The following GNL3L variants were observed in gnomAD, a reference collection of about 807,000 sequenced individuals.
GNL3L encodes the protein guanine nucleotide-binding protein-like 3-like protein.
GNL3L carries 4 observed loss-of-function variants against 42.9 expected under a neutral mutation model. The observed-to-expected ratio is 0.09, with a 90% CI of 0.05 to 0.21. The LOEUF (loss-of-function observed/expected upper bound fraction) is 0.21, where lower values mean the gene tolerates loss of function less well. Among genes scored for constraint, GNL3L ranks in the 10% least tolerant of loss-of-function variants. The pLI is 1.00. For synonymous variants in GNL3L, 159 were observed against 176.3 expected, an observed-to-expected ratio of 0.90 and a Z score of 0.78; for missense variants, 412 against 481.7, an observed-to-expected ratio of 0.86 and a Z score of 1.36.
At chrX:54,577,150 TATA>T (rs1278078539) in intron 16 of GNL3L, among the ~76,000 whole-genome samples, 2 of 112,475 alleles carry the variant, frequency 1.8e-5, no homozygotes, top group East Asian at 5.6e-4. Context: ...AGTGGAATCA[TATA>T]ATATTTCTGT....
At chrX:54,569,710 A>G (rs1260429440), downstream of GNL3L, among the ~76,000 whole-genome samples, 1 of 111,600 alleles carries the variant, frequency 9.0e-6, no homozygotes, top group East Asian at 2.8e-4. Context: ...AAAGAATCAC[A>G]TTTTGGTTTA....
intron 16 of GNL3L, among the ~76,000 whole-genome samples, chrX:54,613,242 T>A (rs188600669): frequency 9.0e-6 from 1 of 111,707 alleles, no homozygotes; most frequent in African/African-American, 3.2e-5. Context: ...TCGCAGAGCA[T>A]TTTGCATTTC....
chrX:54,540,534 T>G (rs1447226743), intron 4 of GNL3L, among the ~76,000 whole-genome samples: 9 of 112,193 alleles, frequency 8.0e-5, no homozygotes, highest in Non-Finnish European at 5.6e-5. Context: ...CTCATCTTAT[T>G]GGAATGCTCA....
Position 54,546,319 on chromosome X carries a change from A to G in GNL3L, c.631-1910A>G, listed in dbSNP as rs1189904487. Among the ~76,000 whole-genome samples the G allele has an allele frequency of 2.7e-5, 3 of 111,782 alleles. No homozygotes were observed. The Admixed American group carries it at 2.9e-4, about 11-fold the overall frequency. ...ATGTGCCTTTTCGAGGCTGAATACA[A>G]TTAGTTTCCAGTTTTTTATCGTTAT... On this transcript the variant is annotated intron_variant, in intron 8 of 15. Transcript: ENST00000360845.
intron 16 of GNL3L, among the ~76,000 whole-genome samples, chrX:54,577,029 ACT>A (rs760244903): frequency 1.3e-3 from 140 of 111,429 alleles, no homozygotes; most frequent in Non-Finnish European, 1.9e-3. Context: ...ACCAAATGAA[ACT>A]CTGTACTCTC....
intron 16 of GNL3L, among the ~76,000 whole-genome samples, chrX:54,591,549 C>T (rs917113967): frequency 2.7e-4 from 29 of 105,710 alleles, no homozygotes; most frequent in African/African-American, 9.8e-4. Context: ...GCCCAGATCA[C>T]ACCACTGCAC....
At chrX:54,607,067 T>C (rs1252364592) in intron 16 of GNL3L, among the ~76,000 whole-genome samples, 2 of 64,738 alleles carry the variant, frequency 3.1e-5, no homozygotes, top group African/African-American at 2.2e-4. Flanking sequence ...TTTCTTTCTT[T>C]CTTTCTCTTT....
intron 16 of GNL3L, among the ~76,000 whole-genome samples, chrX:54,620,051 A>T (rs1303990980): frequency 9.0e-6 from 1 of 111,600 alleles, no homozygotes; most frequent in Non-Finnish European, 1.9e-5. Context: ...TGATACAGGC[A>T]TGCAATGTGT....
At chrX:54,574,877 A>G (rs1381107411) in intron 16 of GNL3L, among the ~76,000 whole-genome samples, 1 of 111,874 alleles carries the variant, frequency 8.9e-6, no homozygotes, top group Non-Finnish European at 1.9e-5. Context: ...GTATTTTTCA[A>G]GTTATTTAAT....
downstream of GNL3L, among the ~76,000 whole-genome samples, chrX:54,623,689 T>C (rs1402482826): frequency 2.7e-5 from 3 of 112,167 alleles, no homozygotes; most frequent in Non-Finnish European, 5.6e-5. Context: ...TTTTCAGGAA[T>C]GTTTTGTAGT....
At chrX:54,539,335 T>C (rs1924543463) in intron 3 of GNL3L, among the ~76,000 whole-genome samples, 2 of 111,389 alleles carry the variant, frequency 1.8e-5, no homozygotes, top group Non-Finnish European at 3.8e-5. Flanking sequence ...ATTATCCCCA[T>C]GTTTTAGTTG....
At chrX:54,554,921 G>A (rs1249179821) in intron 14 of GNL3L, among the ~76,000 whole-genome samples, 1 of 111,772 alleles carries the variant, frequency 8.9e-6, no homozygotes, top group African/African-American at 3.2e-5. Context: ...CCATAGAACA[G>A]GTATCACTAT....
rs745387873 is a variant in GNL3L, at chrX:54,607,008, C to CTCTTTCTTTCT, written c.*46-13836_*46-13835insCTTTCTTTCTT. 1.9e-3 allele frequency among the ~76,000 whole-genome samples: 71 copies of CTCTTTCTTTCT among 37,424 alleles called. 7 individuals carry two copies. The highest frequency in any genetic ancestry group is 7.3e-3 in the African/African-American group (61 of 8,328). 32.5% of individuals were successfully genotyped at this position (37,424 alleles called of 115,157 possible). On this transcript the variant is annotated intron_variant, in intron 16 of 16. Transcript: ENST00000674498. ...TTCCTTTCCTTTCCTTTCTTTCTTT[C>CTCTTTCTTTCT]TTTCTTTCTTTCTTTCTTTCTTTCT...
the GNL3L span, among the ~76,000 whole-genome samples, chrX:54,635,926 G>A: frequency 9.0e-6 from 1 of 110,846 alleles, no homozygotes; most frequent in South Asian, 3.8e-4. Flanking sequence ...TGTGGAGCAT[G>A]CACATGGCTT....
chrX:54,566,727 C>A lies in GNL3L; in HGVS notation c.*6125C>A, dbSNP rs141018140. 1.8e-5 allele frequency among the ~76,000 whole-genome samples: 2 copies of A among 112,035 alleles called. No individual in the cohort carries two copies. The highest frequency in any genetic ancestry group is 6.5e-5 in the African/African-American group (2 of 30,869). On this transcript the variant is annotated 3_prime_UTR_variant, in exon 16 of 16. Coordinates refer to ENST00000360845, the MANE Select transcript of GNL3L (RefSeq NM_001184819.2). ...TCCACTGATGGACATGTGCATTGTT[C>A]CCACCTTTTGGCTATTGTGAAAAAT...
At chrX:54,554,518 A>C (rs1253508522) in intron 13 of GNL3L, 47 bp from the exon 14 acceptor site, 1 of 1,188,238 alleles carries the variant, frequency 8.4e-7, no homozygotes, top group East Asian at 3.0e-5. Context: ...GGGGGCTGGC[A>C]ACAGAGGGGA....
chrX:54,542,353 T>G (rs1469318338), intron 5 of GNL3L, among the ~76,000 whole-genome samples: 75 of 108,119 alleles, frequency 6.9e-4, no homozygotes, highest in Non-Finnish European at 2.3e-4. Context: ...GGTGTTTGGT[T>G]TTTTTGTCCT....
chrX:54,606,893 C>T (rs766671586), intron 16 of GNL3L, among the ~76,000 whole-genome samples: 29 of 109,831 alleles, frequency 2.6e-4, no homozygotes, highest in African/African-American at 9.3e-4. Context: ...CTCTGACCTC[C>T]GCCTCCCAAA....
At chrX:54,600,959 A>G (rs1198846540) in intron 16 of GNL3L, among the ~76,000 whole-genome samples, 2 of 112,383 alleles carry the variant, frequency 1.8e-5, no homozygotes, top group Non-Finnish European at 3.8e-5. Context: ...TAGTCTGTCA[A>G]CTGATGAATG....
Sources: gnomAD v4.1 joint callset for allele counts (sites outside exome capture counted in the v4.1 genomes callset) on GRCh38, gnomAD v4.1.1 for gene constraint, MANE v1.5 for transcripts, NCBI Gene and HGNC (gene_info 2026-07-23, HGNC 2026-07-21) for gene names.